CDH12: variants seen among roughly 807,000 people sequenced by gnomAD.
The protein encoded by CDH12 is cadherin 12.
A neutral mutation model predicts 74.1 loss-of-function variants in CDH12; 41 were observed. That is an observed-to-expected ratio of 0.55 (90% CI 0.43 to 0.72). The LOEUF (loss-of-function observed/expected upper bound fraction) is 0.72. Among genes scored for constraint, CDH12 ranks in the 30% least tolerant of loss-of-function variants. The pLI, the probability that CDH12 is intolerant of heterozygous loss-of-function variation, is 0.00. For missense variants in CDH12, 945 were observed against 977.2 expected, an observed-to-expected ratio of 0.97 and a Z score of 0.44; for synonymous variants, 399 against 355.0, an observed-to-expected ratio of 1.12 and a Z score of -1.39.
chr5:21,764,651 G>GAAAAAAAAAA (rs369895363), intron 12 of CDH12, among the ~76,000 whole-genome samples: 4 of 109,874 alleles, frequency 3.6e-5, no homozygotes, highest in Admixed American at 1.0e-4. Context: ...TTCATATCAA[G>GAAAAAAAAAA]AAAAAAAAAA....
At chr5:22,529,136 CAT>C (rs1180879529) in intron 1 of CDH12, among the ~76,000 whole-genome samples, 1 of 77,468 alleles carries the variant, frequency 1.3e-5, no homozygotes, top group African/African-American at 4.2e-5. Context: ...TGAATATATG[CAT>C]ATATATACAC....
chr5:21,779,251 G>A (rs952583422), intron 11 of CDH12: 1 of 149,928 alleles, frequency 6.7e-6, no homozygotes, highest in Non-Finnish European at 1.5e-5. Context: ...TTTCTTTTTT[G>A]AGACAGGTCT....
chr5:22,783,922 A>C (rs1055584435), intron 1 of CDH12, among the ~76,000 whole-genome samples: 4 of 152,080 alleles, frequency 2.6e-5, no homozygotes, highest in Non-Finnish European at 5.9e-5. Context: ...CCATCAGAAC[A>C]AGGCAAGTTT....
intron 8 of CDH12, among the ~76,000 whole-genome samples, chr5:21,819,230 ATAAAT>A (rs1372737523): frequency 2.6e-5 from 4 of 152,002 alleles, no homozygotes; most frequent in Non-Finnish European, 4.4e-5. Context: ...TTCTTAATAG[ATAAAT>A]TAAACCATGA....
chr5:22,415,821 T>C (rs1351879524), intron 2 of CDH12, among the ~76,000 whole-genome samples: 3 of 152,198 alleles, frequency 2.0e-5, no homozygotes, highest in East Asian at 1.9e-4. Context: ...ACATTTGGCA[T>C]TGGATTCAGG....
intron 4 of CDH12, among the ~76,000 whole-genome samples, chr5:22,175,778 C>T (rs537096180): frequency 6.6e-6 from 1 of 152,178 alleles, no homozygotes; most frequent in Non-Finnish European, 1.5e-5. Context: ...CCTGATGGCT[C>T]ATCTCCTCCA....
chr5:21,940,678 T>C (rs1286520821), intron 6 of CDH12, among the ~76,000 whole-genome samples: 2 of 152,214 alleles, frequency 1.3e-5, no homozygotes, highest in Non-Finnish European at 2.9e-5. Flanking sequence ...CTTCATGTAG[T>C]ATAAATCTGA....
chr5:22,236,200 A>T (rs1351936635), intron 3 of CDH12, among the ~76,000 whole-genome samples: 1 of 152,246 alleles, frequency 6.6e-6, no homozygotes, highest in African/African-American at 2.4e-5. Context: ...AACAACGTAC[A>T]TTTAGGCTAT....
chr5:21,928,706 G>A (rs1754702984), intron 6 of CDH12, among the ~76,000 whole-genome samples: 1 of 151,674 alleles, frequency 6.6e-6, no homozygotes, highest in Non-Finnish European at 1.5e-5. Flanking sequence ...ATTGAGCTTT[G>A]CATATTTACT....
chr5:22,126,855 T>C (rs957473992), intron 4 of CDH12, among the ~76,000 whole-genome samples: 5 of 152,196 alleles, frequency 3.3e-5, no homozygotes, highest in East Asian at 1.9e-4. Context: ...ACCATTGCTC[T>C]TTATCATCCC....
chr5:21,797,224 A>C (rs937826813), intron 10 of CDH12, among the ~76,000 whole-genome samples: 1 of 151,942 alleles, frequency 6.6e-6, no homozygotes, highest in African/African-American at 2.4e-5. Flanking sequence ...AAGATGATGA[A>C]GATGATGATG....
chr5:21,899,695 C>T (rs574829608), intron 6 of CDH12, among the ~76,000 whole-genome samples: 32 of 146,746 alleles, frequency 2.2e-4, no homozygotes, highest in African/African-American at 7.8e-4. Context: ...TAACCTATAA[C>T]GATTGAGAAA....
intron 5 of CDH12, among the ~76,000 whole-genome samples, chr5:21,983,489 T>G (rs549833655): frequency 2.0e-4 from 31 of 152,202 alleles, no homozygotes; most frequent in African/African-American, 6.5e-4. Flanking sequence ...TCCGAGTATG[T>G]GTTTATTTGG....
intron 10 of CDH12, among the ~76,000 whole-genome samples, chr5:21,784,677 G>A (rs1479326635): frequency 6.6e-6 from 1 of 152,128 alleles, no homozygotes; most frequent in Non-Finnish European, 1.5e-5. Flanking sequence ...AAAGCAGATG[G>A]CATCATTGTT....
intron 4 of CDH12, among the ~76,000 whole-genome samples, chr5:22,146,527 T>A (rs1290992711): frequency 6.6e-6 from 1 of 152,148 alleles, no homozygotes; most frequent in African/African-American, 2.4e-5. Flanking sequence ...TAAAATATTT[T>A]ATGGCCTCTA....
At chr5:22,332,182 T>G (rs2150446342) in intron 3 of CDH12, among the ~76,000 whole-genome samples, 1 of 152,180 alleles carries the variant, frequency 6.6e-6, no homozygotes, top group African/African-American at 2.4e-5. Flanking sequence ...CCAGCAGATG[T>G]ACCCTAAATA....
chr5:21,892,615 G>A (rs889092982), intron 6 of CDH12, among the ~76,000 whole-genome samples: 6 of 151,954 alleles, frequency 3.9e-5, no homozygotes, highest in African/African-American at 1.2e-4. Context: ...TATTAAAAGT[G>A]TTTATTTTTA....
At chr5:21,926,340 A>T (rs1754582700) in intron 6 of CDH12, among the ~76,000 whole-genome samples, 1 of 152,232 alleles carries the variant, frequency 6.6e-6, no homozygotes, top group Non-Finnish European at 1.5e-5. Flanking sequence ...CACAAACAAG[A>T]TGACCTTCCC....
intron 4 of CDH12, among the ~76,000 whole-genome samples, chr5:22,206,679 CAAAAAA>C (rs71609754): frequency 1.3e-3 from 74 of 55,270 alleles, no homozygotes; most frequent in Admixed American, 1.3e-3. Context: ...GATTCCACTG[CAAAAAA>C]AAAAAAAAAA....
Sources: allele counts gnomAD v4.1 joint callset (sites outside exome capture counted in the v4.1 genomes callset), GRCh38; gene constraint gnomAD v4.1.1; transcripts MANE v1.5; gene names NCBI Gene and HGNC (gene_info 2026-07-23, HGNC 2026-07-21).